Variants in RET observed in about 807,000 individuals in gnomAD.
The protein encoded by RET is proto-oncogene tyrosine-protein kinase receptor Ret.
RET carries 19 observed loss-of-function variants against 118.3 expected under a neutral mutation model. That is an observed-to-expected ratio of 0.16 (90% CI 0.11 to 0.24). The LOEUF is 0.24. RET is among the 10% of genes least tolerant of loss of function. The pLI is 1.00. For synonymous variants in RET, 597 were observed against 644.1 expected, an observed-to-expected ratio of 0.93 and a Z score of 1.11; for missense variants, 1,219 against 1,502.1, an observed-to-expected ratio of 0.81 and a Z score of 3.12.
chr10:43,112,986 A>T (rs1327880769), intron 9 of RET, 23 bp downstream of exon 9: 1 of 1,592,540 alleles, frequency 6.3e-7, no homozygotes. Flanking sequence ...TAATCAGGGC[A>T]TGGGAACAGG....
rs772329940 is a variant in RET, at chr10:43,123,755, C to T, written c.2886C>T (p.Asn962=). The part of the protein sequence containing the change: ...YPGIPPERLF[N]LLKTGHRMER... ...GGATTCCTCCTGAGCGGCTCTTCAA[C>T]CTTCTGAAGACCGGCCACCGGATGG... Residue 962 remains asparagine (N), a synonymous_variant, in exon 17 of 20, where the codon AAC becomes AAT. Coordinates refer to ENST00000355710, the MANE Select transcript of RET (RefSeq NM_020975.6). 6.2e-7 allele frequency: 1 copy of T among 1,614,186 alleles called. No homozygotes were observed. Among genetic ancestry groups the T allele is most frequent in the East Asian group, 2.2e-5 (1 of 44,880 alleles).
In RET at chr10:43,124,949, C is replaced by T. The variant is rs370970483; in HGVS notation, c.3006C>T (p.Ser1002=). 20 of 1,614,102 alleles carry T rather than the reference C, an allele frequency of 1.2e-5. No homozygotes were observed. The African/African-American group carries it at 2.5e-4, about 20-fold the overall frequency. Residue 1002 remains serine (S), a synonymous_variant, in exon 18 of 20, where the codon AGC becomes AGT. Transcript: ENST00000355710. The stretch of plus-strand genomic sequence containing the variant: ...AAAGGCCGGTGTTTGCGGACATCAG[C>T]AAAGACCTGGAGAAGATGATGGTTA... ...PDKRPVFADI[S]KDLEKMMVKR... is the part of the protein sequence containing the mutation.
At chr10:43,112,046 G>T in intron 7 of RET, 53 bp from the exon 8 acceptor site, 2 of 1,562,822 alleles carry the variant, frequency 1.3e-6, no homozygotes, top group South Asian at 2.4e-5. Context: ...GGCACTAGCT[G>T]GACGCTGGGC....
Position 43,077,332 on chromosome 10 carries a change from G to T in RET, c.73+1G>T, listed in dbSNP as rs2132499557. ...CTGCTGCTGCCGCTGCTAGGCAAAG[G>T]TGAGTTCTGCCGGCCGCCGGCTCCC... On this transcript the variant is annotated splice_donor_variant, in intron 1 of 19. Coordinates refer to ENST00000355710, the MANE Select transcript of RET (RefSeq NM_020975.6). LOFTEE classifies it high-confidence loss of function. The T allele has an allele frequency of 6.6e-7, 1 of 1,509,744 alleles. No homozygotes were observed. The highest frequency in any genetic ancestry group is 8.8e-7 in the Non-Finnish European group (1 of 1,134,536). 93.5% of individuals were successfully genotyped at this position (1,509,744 alleles called of 1,614,324 possible). A position where few individuals can be genotyped will look rare whatever the true frequency, so the allele number is the denominator to read the frequency against.
rs776737136 is a variant in RET at position 43,119,535 on chromosome 10, G to C, written c.2397G>C (p.Pro799=). The change falls in exon 14 of 20, where the codon CCG becomes CCC. Residue 799 remains proline, a synonymous_variant. Transcript: ENST00000355710. ...GCCCCCTCTCTCCGCCCCCAGGCCC[G>C]CTCCTCCTCATCGTGGAGTACGCCA... ...KLYGACSQDG[P]LLLIVEYAKY... The C allele has an allele frequency of 1.3e-6, 2 of 1,597,706 alleles. No individual in the cohort carries two copies. Among genetic ancestry groups the C allele is most frequent in the Admixed American group, 3.4e-5 (2 of 58,580 alleles).
At position 43,129,262 on chromosome 10, in the gene RET, C is replaced by T; in HGVS notation, c.*993C>T. 1 of 233,622 alleles carries T rather than the reference C, an allele frequency of 4.3e-6. No homozygotes were observed. Among genetic ancestry groups the T allele is most frequent in the East Asian group, 6.0e-5 (1 of 16,590 alleles). 14.5% of individuals were successfully genotyped at this position (233,622 alleles called of 1,614,324 possible). A position where few individuals can be genotyped will look rare whatever the true frequency, so the allele number is the denominator to read the frequency against. The stretch of plus-strand genomic sequence containing the variant: ...CTCACTTTAATTTGAATCTTATCAA[C>T]TTACTCATAAAGGGACAGGCTAGCT... On this transcript the variant is annotated 3_prime_UTR_variant, in exon 20 of 20. Coordinates refer to ENST00000355710, the MANE Select transcript of RET (RefSeq NM_020975.6).
At chr10:43,112,753 C>T (rs1837968948) in intron 8 of RET, 100 bp from the exon 9 acceptor site, 6 of 892,486 alleles carry the variant, frequency 6.7e-6, no homozygotes, top group Non-Finnish European at 1.1e-5. Flanking sequence ...CTCAGGCCTC[C>T]AGTTGCTCCT....
At chr10:43,116,963 A>G (rs778312708) in intron 12 of RET, among the ~76,000 whole-genome samples, 5 of 152,236 alleles carry the variant, frequency 3.3e-5, no homozygotes, top group African/African-American at 4.8e-5. Flanking sequence ...TGAAGATCTA[A>G]GCTTTAAACA....
intron 15 of RET, among the ~76,000 whole-genome samples, chr10:43,121,217 C>T (rs775409434): frequency 6.6e-6 from 1 of 152,212 alleles, no homozygotes; most frequent in Non-Finnish European, 1.5e-5. Flanking sequence ...TACACTGTCA[C>T]ACACTGCTGC....
Position 43,128,599 on chromosome 10 carries a change from A to G in RET, c.*330A>G, listed in dbSNP as rs141460872. ...ATTCTGTGTTCACATGTGTGGGTCC[A>G]ACACTTACTACCTGGTGTATGAAAT... On this transcript the variant is annotated 3_prime_UTR_variant, in exon 20 of 20. Transcript: ENST00000355710. The G allele has an allele frequency of 2.5e-3, 1,179 of 464,942 alleles. 16 individuals are homozygous for G. The highest frequency in any genetic ancestry group is 0.02 in the African/African-American group (1,054 of 51,834). The allele number at this position is 464,942 out of a possible 1,614,324, so 28.8% of individuals were successfully genotyped here. A position where few individuals can be genotyped will look rare whatever the true frequency, so the allele number is the denominator to read the frequency against.
intron 12 of RET, 48 bp downstream of exon 12, chr10:43,116,779 G>C (rs759359058): frequency 1.7e-5 from 23 of 1,367,870 alleles, no homozygotes; most frequent in Non-Finnish European, 2.2e-5. Flanking sequence ...TCTCCGGGGC[G>C]GGGGGCGGGT....
intron 14 of RET, 51 bp downstream of exon 14, chr10:43,119,796 G>T: frequency 6.3e-7 from 1 of 1,576,532 alleles, no homozygotes; most frequent in South Asian, 1.1e-5. Context: ...GCCACACCCT[G>T]ACCCACCACG....
intron 18 of RET, 33 bp from the exon 19 acceptor site, chr10:43,126,542 G>A: frequency 6.3e-7 from 1 of 1,588,588 alleles, no homozygotes; most frequent in Non-Finnish European, 8.6e-7. Flanking sequence ...TGTGGCACAT[G>A]GCTTGGAGTG....
intron 6 of RET, among the ~76,000 whole-genome samples, chr10:43,110,785 G>A (rs1226445233): frequency 6.6e-6 from 1 of 152,194 alleles, no homozygotes; most frequent in Non-Finnish European, 1.5e-5. Flanking sequence ...GAGGAGTGAG[G>A]GGTCCCCAGA....
At chr10:43,110,415 T>TGGGCCTGGGAGAGCCC (rs1421798884) in intron 6 of RET, among the ~76,000 whole-genome samples, 3 of 152,190 alleles carry the variant, frequency 2.0e-5, no homozygotes, top group East Asian at 3.8e-4. Context: ...TGGTCACTTG[T>TGGGCCTGGGAGAGCCC]GGGCCTGGGA....
intron 5 of RET, among the ~76,000 whole-genome samples, 177 bp from the exon 6 acceptor site, chr10:43,108,854 A>G (rs3026741): frequency 2.8e-4 from 43 of 152,224 alleles, no homozygotes; most frequent in Non-Finnish European, 5.1e-4. Context: ...GTAAATCCCA[A>G]CGTTTGAACA....
intron 18 of RET, among the ~76,000 whole-genome samples, chr10:43,125,775 T>C (rs975732099): frequency 6.6e-6 from 1 of 152,208 alleles, no homozygotes. Flanking sequence ...AGTTGTCACT[T>C]CTTCCGACTT....
At chr10:43,101,432 A>G (rs941595544) in intron 2 of RET, among the ~76,000 whole-genome samples, 4 of 152,254 alleles carry the variant, frequency 2.6e-5, no homozygotes, top group Non-Finnish European at 5.9e-5. Context: ...ACCCAGGCCT[A>G]TCTGCCAGGG....
rs886042820 is a variant in RET at position 43,100,661 on chromosome 10, C to T, written c.276C>T (p.Thr92=). ...ENNWICIQED[T]GLLYLNRSLD... ...ACTGGATCTGCATCCAGGAGGACAC[C>T]GGCCTCCTCTACCTTAACCGGAGCC... The change falls in exon 2 of 20, where the codon ACC becomes ACT. Residue 92 remains threonine, a synonymous_variant. Coordinates refer to ENST00000355710, the MANE Select transcript of RET (RefSeq NM_020975.6). 8.7e-6 allele frequency: 14 copies of T among 1,611,786 alleles called. No individual in the cohort carries two copies. The highest frequency in any genetic ancestry group is 2.2e-5 in the South Asian group (2 of 90,696).
Sources: gnomAD v4.1 joint callset for allele counts (sites outside exome capture counted in the v4.1 genomes callset) on GRCh38, gnomAD v4.1.1 for gene constraint, MANE v1.5 for transcripts, NCBI Gene and HGNC (gene_info 2026-07-23, HGNC 2026-07-21) for gene names.